RYR3: variants seen among roughly 807,000 people sequenced by gnomAD.
The protein encoded by RYR3 is ryanodine receptor 3.
In RYR3, 207 loss-of-function variants were observed where a neutral mutation model predicts 584.3. The ratio of observed to expected loss-of-function variants is 0.35; its 90% CI spans 0.32 to 0.40. RYR3 has a LOEUF of 0.40. Ranked by LOEUF, RYR3 falls within the 10% of genes least tolerant of loss-of-function variation. The pLI is 1.00. For missense variants in RYR3, 5,616 were observed against 6,089.2 expected (o/e 0.92, Z 2.59); for synonymous variants, 2,416 against 2,248.5 (o/e 1.07, Z -2.11).
In RYR3 at chr15:33,338,823, A is replaced by G. The variant is rs1178884361; in HGVS notation, c.51+27727A>G. The stretch of plus-strand genomic sequence containing the variant: ...ACCTGCAACAATGTGGGCAAATTTC[A>G]TGAACATAATGGTGACAAAAAAAAG... On this transcript the variant is annotated intron_variant, in intron 1 of 103. Transcript: ENST00000634891. 2.6e-5 allele frequency among the ~76,000 whole-genome samples: 4 copies of G among 152,232 alleles called. No homozygotes were observed. In the East Asian group the frequency reaches 7.7e-4, roughly 29 times the overall value.
At chr15:33,635,056 T>C (rs767690908) in intron 25 of RYR3, among the ~76,000 whole-genome samples, 52 of 152,146 alleles carry the variant, frequency 3.4e-4, no homozygotes, top group Admixed American at 7.2e-4. Flanking sequence ...ACTTGCCAAA[T>C]GTGTGAATAT....
intron 45 of RYR3, among the ~76,000 whole-genome samples, chr15:33,725,180 C>CACACACACACACACATAT (rs1555427020): frequency 1.4e-4 from 20 of 143,792 alleles, no homozygotes; most frequent in Non-Finnish European, 6.1e-5. Flanking sequence ...CACACACACA[C>CACACACACACACACATAT]ACACACACAC....
rs367626630 is a variant in RYR3 at position 33,810,944 on chromosome 15, C to A, written c.10198-34C>A. On this transcript the variant is annotated intron_variant, in intron 71 of 103. Coordinates refer to ENST00000634891, the MANE Select transcript of RYR3 (RefSeq NM_001036.6). ...TGCTACTTGACAGTTCCATGGTGAT[C>A]TCCGGGAATAAAATCTGACATCTCT... 282 of 1,570,118 alleles carry A rather than the reference C, an allele frequency of 1.8e-4. 1 individual carries two copies. The African/African-American group carries it at 3.3e-3, about 18-fold the overall frequency.
At chr15:33,810,445 A>T in intron 70 of RYR3, 34 bp from the exon 71 acceptor site, 1 of 1,610,836 alleles carries the variant, frequency 6.2e-7, no homozygotes, top group Non-Finnish European at 8.5e-7. Context: ...GAATCACTGA[A>T]CCCCTCTCTG....
intron 51 of RYR3, among the ~76,000 whole-genome samples, chr15:33,740,993 G>A (rs923968406): frequency 8.5e-5 from 13 of 152,232 alleles, no homozygotes; most frequent in Non-Finnish European, 1.5e-4. Flanking sequence ...TGACTTGGGA[G>A]GGCTCTGCCT....
intron 1 of RYR3, among the ~76,000 whole-genome samples, chr15:33,334,719 A>G (rs943136232): frequency 1.3e-5 from 2 of 152,176 alleles, no homozygotes; most frequent in South Asian, 4.1e-4. Flanking sequence ...GCAAAAGAAA[A>G]CTATCAACAG....
At chr15:33,778,869 G>C (rs1255569530) in intron 64 of RYR3, among the ~76,000 whole-genome samples, 2 of 152,198 alleles carry the variant, frequency 1.3e-5, no homozygotes, top group South Asian at 2.1e-4. Flanking sequence ...TTGCTGACTG[G>C]GGGCTGATTT....
intron 21 of RYR3, among the ~76,000 whole-genome samples, chr15:33,629,014 G>A (rs891274262): frequency 6.6e-6 from 1 of 152,232 alleles, no homozygotes. Flanking sequence ...GTAAGGTCAT[G>A]TCTGAAGGCA....
chr15:33,802,667 C>T (rs969132031), intron 69 of RYR3, among the ~76,000 whole-genome samples: 29 of 152,306 alleles, frequency 1.9e-4, no homozygotes, highest in Admixed American at 4.6e-4. Flanking sequence ...ACTTCTCAGA[C>T]GTACTCCTTC....
chr15:33,793,680 G>C (rs1388959810), intron 67 of RYR3, among the ~76,000 whole-genome samples: 1 of 151,992 alleles, frequency 6.6e-6, no homozygotes, highest in Non-Finnish European at 1.5e-5. Flanking sequence ...ATTTGAAAAT[G>C]TTTAATTTTA....
At chr15:33,862,651 C>G (rs1165390448) in intron 102 of RYR3, among the ~76,000 whole-genome samples, 22 of 152,166 alleles carry the variant, frequency 1.4e-4, no homozygotes, top group Admixed American at 1.4e-3. Flanking sequence ...GTCTCTGTCA[C>G]CCAGGCTGAA....
chr15:33,558,094 AATTT>A (rs912745780), intron 10 of RYR3, among the ~76,000 whole-genome samples: 2 of 129,670 alleles, frequency 1.5e-5, no homozygotes, highest in African/African-American at 5.4e-5. Flanking sequence ...TTCTTTTTTA[AATTT>A]ATTTGTTTTT....
At position 33,636,492 on chromosome 15, in the gene RYR3, G is replaced by T. The variant is rs1467900498; in HGVS notation, c.3498G>T (p.Glu1166Asp). The T allele has an allele frequency of 3.1e-6, 5 of 1,612,236 alleles. No individual in the cohort carries two copies. Among genetic ancestry groups the T allele is most frequent in the Non-Finnish European group, 3.4e-6 (4 of 1,179,166 alleles). ...DASMIFTLNGELLITNKGSEL... is the reference protein window; with the variant it reads ...DASMIFTLNGDLLITNKGSEL... Reference sequence around the variant, plus strand: ...CAATGATCTTCACACTGAATGGGGAGCTGCTGATCACCAACAAAGGCTCTG... The same window carrying T: ...CAATGATCTTCACACTGAATGGGGATCTGCTGATCACCAACAAAGGCTCTG... Residue 1166 changes from glutamate to aspartate, a missense_variant, in exon 27 of 104, where the codon GAG (glutamate) becomes GAT (aspartate). Glu to Asp is a conservative substitution (Grantham distance 45). This residue lies in a region of RYR3 where 152 missense variants were observed against 200.9 expected (regional missense o/e 0.76). Coordinates refer to ENST00000634891, the MANE Select transcript of RYR3 (RefSeq NM_001036.6).
chr15:33,543,514 A>C, intron 7 of RYR3, 108 bp from the exon 8 acceptor site: 9 of 751,862 alleles, frequency 1.2e-5, no homozygotes, highest in African/African-American at 3.4e-5. Flanking sequence ...TGTCTCTCTC[A>C]GTATTTACCG....
chr15:33,381,417 A>G (rs548582280), intron 1 of RYR3, among the ~76,000 whole-genome samples: 2 of 147,240 alleles, frequency 1.4e-5, no homozygotes, highest in South Asian at 4.3e-4. Flanking sequence ...GGTGCTCAAT[A>G]AACACATATT....
At chr15:33,331,007 A>G (rs1970313401) in intron 1 of RYR3, among the ~76,000 whole-genome samples, 1 of 152,140 alleles carries the variant, frequency 6.6e-6, no homozygotes, top group African/African-American at 2.4e-5. Context: ...TTTCCCCAGG[A>G]GCAGTGTGCT....
chr15:33,861,302 G>GC (rs1220910649), intron 102 of RYR3, 124 bp downstream of exon 102: 2 of 627,112 alleles, frequency 3.2e-6, no homozygotes, highest in African/African-American at 3.7e-5. Context: ...GTCCCCATGA[G>GC]CCTGTACCTT....
intron 65 of RYR3, among the ~76,000 whole-genome samples, chr15:33,785,419 C>T (rs1296519554): frequency 6.6e-6 from 1 of 152,164 alleles, no homozygotes; most frequent in Non-Finnish European, 1.5e-5. Context: ...TGCTGTACTC[C>T]TTTAACCATG....
At chr15:33,826,861 G>C in intron 84 of RYR3, 109 bp downstream of exon 84, 1 of 756,558 alleles carries the variant, frequency 1.3e-6, no homozygotes, top group Non-Finnish European at 2.3e-6. Context: ...AAGGACATCA[G>C]TTAATGCGTT....
Sources: allele counts gnomAD v4.1 joint callset (sites outside exome capture counted in the v4.1 genomes callset), GRCh38; gene constraint gnomAD v4.1.1; regional missense constraint gnomAD v4.1.1; transcripts MANE v1.5; gene names NCBI Gene and HGNC (gene_info 2026-07-23, HGNC 2026-07-21).